The following SLC25A26 variants were observed in gnomAD, a reference collection of about 807,000 sequenced individuals.
The protein encoded by SLC25A26 is solute carrier family 25 member 26.
A neutral mutation model predicts 37.8 loss-of-function variants in SLC25A26; 36 were observed. That is an observed-to-expected ratio of 0.95 (90% CI 0.73 to 1.26). SLC25A26 has a LOEUF of 1.26. SLC25A26 is among the 50% of genes most tolerant of loss of function. SLC25A26 has a pLI of 0.00. For missense variants in SLC25A26, 390 were observed against 331.1 expected, an observed-to-expected ratio of 1.18 and a Z score of -1.38; for synonymous variants, 129 against 122.5, an observed-to-expected ratio of 1.05 and a Z score of -0.35.
intron 5 of SLC25A26, among the ~76,000 whole-genome samples, chr3:66,323,632 T>C (rs1411055365): frequency 6.6e-6 from 1 of 152,020 alleles, no homozygotes; most frequent in Non-Finnish European, 1.5e-5. Flanking sequence ...TGTGGTGAGA[T>C]GCTGTCTCTA....
chr3:66,136,294 G>T (rs1469330855), intron 1 of SLC25A26, among the ~76,000 whole-genome samples: 2 of 152,120 alleles, frequency 1.3e-5, no homozygotes, highest in African/African-American at 2.4e-5. Flanking sequence ...TATTCCAGAT[G>T]TTCATTTTAT....
intron 1 of SLC25A26, among the ~76,000 whole-genome samples, chr3:66,174,847 A>G (rs1407385867): frequency 1.3e-5 from 2 of 151,286 alleles, no homozygotes; most frequent in Non-Finnish European, 2.9e-5. Flanking sequence ...GTCACAAAAT[A>G]TTGCTATGCA....
In SLC25A26 at chr3:66,352,439, T is replaced by G. The variant is rs1219390543; in HGVS notation, c.498+6031T>G. 1.0e-3 allele frequency among the ~76,000 whole-genome samples: 142 copies of G among 137,650 alleles called. 6 individuals are homozygous for G. The highest frequency in any genetic ancestry group is 3.7e-3 in the African/African-American group (134 of 36,070). 90.3% of individuals were successfully genotyped at this position (137,650 alleles called of 152,430 possible). A position where few individuals can be genotyped will look rare whatever the true frequency, so the allele number is the denominator to read the frequency against. On this transcript the variant is annotated intron_variant, in intron 6 of 9. Coordinates refer to ENST00000354883, the MANE Select transcript of SLC25A26 (RefSeq NM_001379210.1). ...TCCCCTCGTTTTTTGTTTTTTGTTT[T>G]TTGTTTTTTTTTTTGAGATGTACCA...
At chr3:66,153,072 T>C (rs545986581) in intron 1 of SLC25A26, among the ~76,000 whole-genome samples, 2 of 152,276 alleles carry the variant, frequency 1.3e-5, no homozygotes, top group Non-Finnish European at 2.9e-5. Context: ...TACTTCTCAC[T>C]CCCCAGAGGA....
intron 1 of SLC25A26, among the ~76,000 whole-genome samples, chr3:66,198,429 G>A (rs981595796): frequency 1.3e-4 from 20 of 151,904 alleles, no homozygotes; most frequent in African/African-American, 4.6e-4. Flanking sequence ...CCTCATGTGC[G>A]TCTGACCTTC....
intron 5 of SLC25A26, among the ~76,000 whole-genome samples, chr3:66,288,215 G>A (rs1160365663): frequency 6.6e-6 from 1 of 152,182 alleles, no homozygotes; most frequent in Non-Finnish European, 1.5e-5. Flanking sequence ...AGACAGTGAA[G>A]GAGTGAATCC....
chr3:66,184,623 C>CTATGTATT (rs2070791119), intron 1 of SLC25A26, among the ~76,000 whole-genome samples: 4 of 7,058 alleles, frequency 5.7e-4, no homozygotes, highest in South Asian at 0.011. Context: ...CATGCTCAAC[C>CTATGTATT]AAATCCTCAC....
intron 1 of SLC25A26, among the ~76,000 whole-genome samples, chr3:66,151,032 G>A (rs1282142848): frequency 1.3e-5 from 2 of 151,974 alleles, no homozygotes; most frequent in Admixed American, 6.6e-5. Flanking sequence ...AGCAGGTACT[G>A]TCCTTATGCT....
chr3:66,374,232 C>T (rs981961207), intron 9 of SLC25A26, among the ~76,000 whole-genome samples: 1 of 152,196 alleles, frequency 6.6e-6, no homozygotes, highest in Non-Finnish European at 1.5e-5. Context: ...CTGCGTTGAG[C>T]GAGTCTTGCA....
intron 5 of SLC25A26, among the ~76,000 whole-genome samples, chr3:66,316,443 C>A (rs925171150): frequency 6.6e-6 from 1 of 152,150 alleles, no homozygotes; most frequent in Non-Finnish European, 1.5e-5. Context: ...AATATCAGCC[C>A]CTAATGTCTT....
chr3:66,324,936 A>G (rs1353870473), intron 5 of SLC25A26, among the ~76,000 whole-genome samples: 4 of 152,214 alleles, frequency 2.6e-5, no homozygotes, highest in Non-Finnish European at 2.9e-5. Context: ...AAGAGAAAAA[A>G]TAGATTTGAT....
At chr3:66,290,389 T>A (rs1168397768) in intron 5 of SLC25A26, among the ~76,000 whole-genome samples, 1 of 152,230 alleles carries the variant, frequency 6.6e-6, no homozygotes, top group Non-Finnish European at 1.5e-5. Context: ...CTTTGTCTTA[T>A]GTCAGTTTTC....
chr3:66,343,263 A>G (rs2076249669), intron 5 of SLC25A26, among the ~76,000 whole-genome samples: 1 of 152,224 alleles, frequency 6.6e-6, no homozygotes, highest in Non-Finnish European at 1.5e-5. Context: ...GTTTGTTCAT[A>G]TTGTAAATGA....
chr3:66,282,468 C>T (rs1396385192), intron 5 of SLC25A26, among the ~76,000 whole-genome samples: 9 of 152,016 alleles, frequency 5.9e-5, no homozygotes, highest in Non-Finnish European at 1.2e-4. Context: ...TGAGAACCTC[C>T]TTGCTGGTGT....
intron 5 of SLC25A26, among the ~76,000 whole-genome samples, chr3:66,277,918 A>AT (rs1559647723): frequency 6.6e-6 from 1 of 152,134 alleles, no homozygotes; most frequent in Non-Finnish European, 1.5e-5. Flanking sequence ...ATTGTACAGA[A>AT]TTGTCAAAGT....
chr3:66,243,535 T>A (rs1337312368), intron 3 of SLC25A26, among the ~76,000 whole-genome samples: 1 of 152,218 alleles, frequency 6.6e-6, no homozygotes, highest in Non-Finnish European at 1.5e-5. Flanking sequence ...ATGTGTAATT[T>A]ACAAGAGACA....
intron 5 of SLC25A26, among the ~76,000 whole-genome samples, chr3:66,333,329 G>A (rs1255920926): frequency 6.6e-6 from 1 of 151,884 alleles, no homozygotes; most frequent in African/African-American, 2.4e-5. Context: ...CTTTTCTGTC[G>A]TCATTTCTAT....
chr3:66,249,187 G>A (rs1402496618), intron 3 of SLC25A26, among the ~76,000 whole-genome samples: 5 of 143,154 alleles, frequency 3.5e-5, no homozygotes, highest in Non-Finnish European at 7.6e-5. Flanking sequence ...ACTCAGACAT[G>A]TAGATTTGGA....
chr3:66,365,847 A>G (rs1245253291), intron 7 of SLC25A26, among the ~76,000 whole-genome samples: 1 of 152,148 alleles, frequency 6.6e-6, no homozygotes, highest in Non-Finnish European at 1.5e-5. Flanking sequence ...TCTCCCTTCC[A>G]GACTAATCAG....
Sources: gnomAD v4.1 joint callset for allele counts (sites outside exome capture counted in the v4.1 genomes callset) on GRCh38, gnomAD v4.1.1 for gene constraint, MANE v1.5 for transcripts, NCBI Gene and HGNC (gene_info 2026-07-23, HGNC 2026-07-21) for gene names.